Variants in TGM2 observed in about 807,000 individuals in gnomAD.
TGM2 encodes transglutaminase 2.
In TGM2, 53 loss-of-function variants were observed where a neutral mutation model predicts 75.6. That is an observed-to-expected ratio of 0.70 (90% CI 0.56 to 0.88). The LOEUF is 0.88. Among genes scored for constraint, TGM2 ranks in the 40% least tolerant of loss-of-function variants. TGM2 has a pLI of 0.00. For synonymous variants in TGM2, 374 were observed against 381.1 expected (o/e 0.98, Z 0.22); for missense variants, 842 against 928.5 (o/e 0.91, Z 1.21).
At chr20:38,136,648 G>A (rs1568684053) in intron 10 of TGM2, among the ~76,000 whole-genome samples, 2 of 152,194 alleles carry the variant, frequency 1.3e-5, no homozygotes, top group South Asian at 4.1e-4. Context: ...CCCCTCAGAG[G>A]ATGGCCAATG....
intron 6 of TGM2, chr20:38,146,034 G>A (rs77967532): frequency 0.029 from 4,509 of 152,912 alleles, 83 homozygotes; most frequent in Middle Eastern, 0.055. Flanking sequence ...TTGAGTCTAC[G>A]TTCTTAGCCA....
intron 6 of TGM2, among the ~76,000 whole-genome samples, chr20:38,144,120 G>T (rs924886446): frequency 2.6e-5 from 4 of 152,180 alleles, no homozygotes; most frequent in African/African-American, 9.7e-5. Flanking sequence ...TTTCCAGGGA[G>T]CCAAGTGCCA....
At chr20:38,155,135 A>G (rs1159862551) in intron 3 of TGM2, among the ~76,000 whole-genome samples, 1 of 151,696 alleles carries the variant, frequency 6.6e-6, no homozygotes, top group Non-Finnish European at 1.5e-5. Flanking sequence ...AACAAAAAAC[A>G]CACAAAAAAC....
chr20:38,136,786 C>G (rs960195655), intron 10 of TGM2, among the ~76,000 whole-genome samples: 7 of 152,156 alleles, frequency 4.6e-5, no homozygotes, highest in Non-Finnish European at 1.0e-4. Flanking sequence ...CTGGGCGGAG[C>G]CCTGGGCTTG....
At chr20:38,130,869 C>T (rs1409109503) in intron 12 of TGM2, among the ~76,000 whole-genome samples, 1 of 152,112 alleles carries the variant, frequency 6.6e-6, no homozygotes, top group Non-Finnish European at 1.5e-5. Flanking sequence ...CGGATGATGT[C>T]ACTGTGGAGG....
rs778855414 is a variant in TGM2, at chr20:38,151,070, A to G, written c.434-13T>C. ...TACACAGCATCCGCTGCAGGCAGGA[A>G]GAAAGGGACCTCAGCTCTGGGTCTG... On this transcript the variant is annotated splice_polypyrimidine_tract_variant and intron_variant, in intron 3 of 12. Coordinates refer to ENST00000361475, the MANE Select transcript of TGM2 (RefSeq NM_004613.4). The G allele has an allele frequency of 6.2e-7, 1 of 1,603,876 alleles. No homozygotes were observed. The highest frequency in any genetic ancestry group is 1.3e-5 in the African/African-American group (1 of 74,876).
intron 3 of TGM2, 129 bp from the exon 4 acceptor site, chr20:38,151,186 A>G (rs45510896): frequency 0.01 from 7,317 of 731,224 alleles, 69 homozygotes; most frequent in Non-Finnish European, 0.013. Context: ...TCTTTTAATT[A>G]GAAAAAGTAA....
chr20:38,137,537 C>T (rs953323132), intron 10 of TGM2, among the ~76,000 whole-genome samples: 10 of 152,370 alleles, frequency 6.6e-5, no homozygotes, highest in Admixed American at 1.3e-4. Context: ...TTAGCAGCCA[C>T]GTGCAGCTGG....
intron 6 of TGM2, among the ~76,000 whole-genome samples, chr20:38,142,805 T>C (rs1313619596): frequency 6.6e-6 from 1 of 152,244 alleles, no homozygotes; most frequent in Admixed American, 6.5e-5. Flanking sequence ...GCCCTGGCCA[T>C]GGCCCTTGGC....
chr20:38,134,762 G>A (rs1292298304), intron 10 of TGM2, among the ~76,000 whole-genome samples: 4 of 152,184 alleles, frequency 2.6e-5, no homozygotes, highest in African/African-American at 7.2e-5. Context: ...AAAGGAGGCA[G>A]GGGTGGGGGC....
chr20:38,157,395 T>G (rs1239338653), intron 2 of TGM2, among the ~76,000 whole-genome samples: 2 of 152,212 alleles, frequency 1.3e-5, no homozygotes, highest in Non-Finnish European at 2.9e-5. Context: ...CATGCAGGCC[T>G]GGGGTCCCAG....
intron 10 of TGM2, 128 bp from the exon 11 acceptor site, chr20:38,132,628 G>A (rs45528937): frequency 3.7e-4 from 489 of 1,306,934 alleles, no homozygotes; most frequent in Non-Finnish European, 4.9e-4. Context: ...ATGGCTGGGC[G>A]GATCCCTGAA....
intron 10 of TGM2, among the ~76,000 whole-genome samples, chr20:38,134,409 C>T (rs2074872697): frequency 1.3e-5 from 2 of 152,180 alleles, no homozygotes; most frequent in African/African-American, 4.8e-5. Context: ...GCTAGCTCCA[C>T]AGGAAAGAAG....
At chr20:38,148,135 C>T (rs1408092535) in intron 4 of TGM2, 46 bp from the exon 5 acceptor site, 1 of 1,612,820 alleles carries the variant, frequency 6.2e-7, no homozygotes, top group Non-Finnish European at 8.5e-7. Context: ...TGGGAAGGCA[C>T]CTCCTCCAGG....
chr20:38,156,673 C>T (rs540087759), intron 2 of TGM2, among the ~76,000 whole-genome samples: 1 of 152,298 alleles, frequency 6.6e-6, no homozygotes, highest in Admixed American at 6.5e-5. Context: ...CCAGGCCCCC[C>T]ATCTGCTGTC....
At chr20:38,132,902 A>C (rs926214679) in intron 10 of TGM2, 1 of 455,918 alleles carries the variant, frequency 2.2e-6, no homozygotes, top group African/African-American at 2.0e-5. Flanking sequence ...AGGGTGTGTG[A>C]GCCGCGGGCC....
chr20:38,149,689 A>C (rs966268207), intron 4 of TGM2, among the ~76,000 whole-genome samples: 15 of 150,560 alleles, frequency 1.0e-4, no homozygotes, highest in South Asian at 2.1e-4. Context: ...AAAAAAAAAA[A>C]AAAAAAAAAA....
intron 8 of TGM2, among the ~76,000 whole-genome samples, chr20:38,140,036 C>G (rs944255632): frequency 1.3e-5 from 2 of 152,224 alleles, no homozygotes; most frequent in African/African-American, 4.8e-5. Context: ...AAATGTATCC[C>G]AGACATCCTG....
At chr20:38,132,653 TC>T (rs2074849884) in intron 10 of TGM2, 153 bp from the exon 11 acceptor site, 2 of 1,066,360 alleles carry the variant, frequency 1.9e-6, no homozygotes, top group Non-Finnish European at 2.8e-6. Flanking sequence ...CCACTGTGGC[TC>T]CAGGGTTCCC....
Sources: gnomAD v4.1 joint callset for allele counts (sites outside exome capture counted in the v4.1 genomes callset) on GRCh38, gnomAD v4.1.1 for gene constraint, MANE v1.5 for transcripts, NCBI Gene and HGNC (gene_info 2026-07-23, HGNC 2026-07-21) for gene names.